Variants in HECW2 observed in about 807,000 individuals in gnomAD.
HECW2 encodes the protein HECT, C2 and WW domain containing E3 ubiquitin protein ligase 2, also known as E3 ubiquitin-protein ligase HECW2.
A neutral mutation model predicts 175.2 loss-of-function variants in HECW2; 61 were observed. The observed-to-expected ratio is 0.35, with a 90% CI of 0.28 to 0.43. HECW2 has a LOEUF of 0.43. Ranked by LOEUF, HECW2 falls within the 20% of genes least tolerant of loss-of-function variation. The probability of loss-of-function intolerance (pLI) is 1.00; values close to 1 mark genes in which losing one functional copy is unlikely to be tolerated. For missense variants in HECW2, 1,524 were observed against 2,000.5 expected, an observed-to-expected ratio of 0.76 and a Z score of 4.54; for synonymous variants, 671 against 731.0, an observed-to-expected ratio of 0.92 and a Z score of 1.32.
intron 2 of HECW2, among the ~76,000 whole-genome samples, chr2:196,369,037 T>G (rs896133556): frequency 1.2e-4 from 18 of 152,192 alleles, no homozygotes; most frequent in African/African-American, 4.3e-4. Context: ...TGCTTGTGAA[T>G]GTTCTTCAGG....
chr2:196,293,250 G>A (rs556747480), intron 13 of HECW2, among the ~76,000 whole-genome samples: 214 of 152,306 alleles, frequency 1.4e-3, no homozygotes, highest in African/African-American at 4.7e-3. Flanking sequence ...AGAACATGTG[G>A]TGTTTGGTTT....
chr2:196,476,440 C>T (rs1686620056), intron 1 of HECW2, among the ~76,000 whole-genome samples: 1 of 143,764 alleles, frequency 7.0e-6, no homozygotes, highest in African/African-American at 2.6e-5. Flanking sequence ...GAGACTCCAT[C>T]TCAAAAAAAA....
At chr2:196,314,985 G>C (rs1691635012) in intron 10 of HECW2, among the ~76,000 whole-genome samples, 1 of 152,136 alleles carries the variant, frequency 6.6e-6, no homozygotes, top group Non-Finnish European at 1.5e-5. Context: ...CAAGTAGCAA[G>C]GGCAGCCAAG....
In HECW2 at chr2:196,377,178, A is replaced by G. The variant is rs78688569; in HGVS notation, c.293-33414T>C. ...AGCTTAAACTTTCAGTGATAAAATA[A>G]TGAGTAAATTCTGAGAATCCCGAAG... On this transcript the variant is annotated intron_variant, in intron 2 of 28. Coordinates refer to ENST00000644978, the MANE Select transcript of HECW2 (RefSeq NM_001348768.2). Among the ~76,000 whole-genome samples the G allele has an allele frequency of 3.4e-4, 52 of 152,318 alleles. No homozygotes were observed. In the East Asian group the frequency reaches 4.2e-3, roughly 12 times the overall value.
At chr2:196,344,948 G>C (rs1050576997) in intron 2 of HECW2, among the ~76,000 whole-genome samples, 4 of 152,166 alleles carry the variant, frequency 2.6e-5, no homozygotes, top group African/African-American at 9.7e-5. Flanking sequence ...AGGGGACAGA[G>C]GGATTTCTGG....
intron 19 of HECW2, among the ~76,000 whole-genome samples, chr2:196,245,158 A>G (rs1183431687): frequency 6.6e-6 from 1 of 152,186 alleles, no homozygotes; most frequent in Non-Finnish European, 1.5e-5. Flanking sequence ...GAAGAATGGG[A>G]AGCATGATGA....
chr2:196,326,201 C>T lies in HECW2; in HGVS notation c.572-1052G>A, dbSNP rs572592952. ...TTAAATTATAGGAGGTCACCAGGGTCATCCCACATAAGCCCATTCCTGAAA... is the reference window on the plus strand; with the variant it reads ...TTAAATTATAGGAGGTCACCAGGGTTATCCCACATAAGCCCATTCCTGAAA... On this transcript the variant is annotated intron_variant, in intron 5 of 28. Transcript: ENST00000644978. Among the ~76,000 whole-genome samples, 8 of 152,272 alleles carry T rather than the reference C, an allele frequency of 5.3e-5. No homozygotes were observed. In the South Asian group the frequency reaches 6.2e-4, roughly 12 times the overall value.
At chr2:196,297,607 T>A (rs551428078) in intron 13 of HECW2, among the ~76,000 whole-genome samples, 1 of 152,346 alleles carries the variant, frequency 6.6e-6, no homozygotes, top group African/African-American at 2.4e-5. Flanking sequence ...CTAATTCTGT[T>A]GTTTTCAAAA....
intron 19 of HECW2, among the ~76,000 whole-genome samples, chr2:196,243,171 CT>C (rs57767817): frequency 1.8e-4 from 25 of 142,338 alleles, no homozygotes; most frequent in African/African-American, 5.4e-4. Context: ...TTATTGGATT[CT>C]TTTTTTTTTT....
chr2:196,257,859 C>G lies in HECW2; in HGVS notation c.3383G>C (p.Arg1128Pro), dbSNP rs765861065. 3 of 1,613,928 alleles carry G rather than the reference C, an allele frequency of 1.9e-6. No individual in the cohort carries two copies. The African/African-American group carries it at 4.0e-5, about 22-fold the overall frequency. ...AACAAGGTCTGCATCGCTTGAAAGG[C>G]GCACCAATCCTGGAGTCCCTTCAGT... ...IRTEGTPGLV[R>P]LSSDADLVML... The change falls in exon 18 of 29, where the codon CGC (arginine) becomes CCC (proline). Residue 1128 changes from arginine to proline, a missense_variant. By Grantham distance (103) the Arg-to-Pro change is moderately radical. This residue lies in a region of HECW2 where 291 missense variants were observed against 412.2 expected (regional missense o/e 0.71). Transcript: ENST00000644978.
chr2:196,208,100 TCA>T (rs1319745933), intron 28 of HECW2, among the ~76,000 whole-genome samples: 1 of 152,228 alleles, frequency 6.6e-6, no homozygotes, highest in African/African-American at 2.4e-5. Context: ...GGCACATTTC[TCA>T]CACACCTAAA....
chr2:196,397,134 C>A (rs371380306), intron 2 of HECW2, among the ~76,000 whole-genome samples: 74 of 151,516 alleles, frequency 4.9e-4, no homozygotes, highest in African/African-American at 1.7e-3. Flanking sequence ...CAAAACAAAA[C>A]AAAAAAAAAA....
At chr2:196,522,227 T>C (rs1316559983) in intron 1 of HECW2, among the ~76,000 whole-genome samples, 4 of 152,166 alleles carry the variant, frequency 2.6e-5, no homozygotes, top group Non-Finnish European at 4.4e-5. Flanking sequence ...ATTTCTCTGA[T>C]GGCCAGTGAT....
At chr2:196,412,024 A>C (rs1470076400) in intron 2 of HECW2, among the ~76,000 whole-genome samples, 1 of 152,170 alleles carries the variant, frequency 6.6e-6, no homozygotes, top group Non-Finnish European at 1.5e-5. Context: ...AATAAAAATA[A>C]ATAAATAAAT....
intron 16 of HECW2, among the ~76,000 whole-genome samples, chr2:196,272,927 A>G (rs1187653473): frequency 6.6e-6 from 1 of 152,016 alleles, no homozygotes; most frequent in African/African-American, 2.4e-5. Flanking sequence ...CTTCAACCCT[A>G]CATTTCTTCT....
intron 16 of HECW2, among the ~76,000 whole-genome samples, chr2:196,273,603 C>G (rs1689829536): frequency 6.6e-6 from 1 of 152,136 alleles, no homozygotes; most frequent in African/African-American, 2.4e-5. Flanking sequence ...AGAATGTGCT[C>G]TCTTTGATTG....
At chr2:196,328,818 A>G (rs899175763) in intron 5 of HECW2, among the ~76,000 whole-genome samples, 1 of 152,102 alleles carries the variant, frequency 6.6e-6, no homozygotes, top group African/African-American at 2.4e-5. Flanking sequence ...CTACCAATTT[A>G]TTTTCTAAAA....
At chr2:196,419,511 T>G (rs993477937) in intron 2 of HECW2, among the ~76,000 whole-genome samples, 1 of 152,216 alleles carries the variant, frequency 6.6e-6, no homozygotes, top group African/African-American at 2.4e-5. Flanking sequence ...ACCCTTCCCA[T>G]CTCTGAACCC....
chr2:196,502,083 T>C (rs1413038911), intron 1 of HECW2, among the ~76,000 whole-genome samples: 1 of 152,252 alleles, frequency 6.6e-6, no homozygotes. Context: ...CGTAGTTTTG[T>C]TTATTTTGTA....
Sources: gnomAD v4.1 joint callset for allele counts (sites outside exome capture counted in the v4.1 genomes callset) on GRCh38, gnomAD v4.1.1 for gene constraint, gnomAD v4.1.1 regional missense constraint, MANE v1.5 for transcripts, NCBI Gene and HGNC (gene_info 2026-07-23, HGNC 2026-07-21) for gene names.